The following NICN1 variants were observed in gnomAD, a reference collection of about 807,000 sequenced individuals.
The protein encoded by NICN1 is nicolin-1.
NICN1 carries 18 observed loss-of-function variants against 26.3 expected under a neutral mutation model. The observed-to-expected ratio is 0.68, with a 90% CI of 0.47 to 1.01. The LOEUF (loss-of-function observed/expected upper bound fraction) is 1.01. Among genes scored for constraint, NICN1 ranks in the 50% least tolerant of loss-of-function variants. NICN1 has a pLI of 0.00. For synonymous variants in NICN1, 109 were observed against 111.0 expected, an observed-to-expected ratio of 0.98 and a Z score of 0.11; for missense variants, 239 against 278.3, an observed-to-expected ratio of 0.86 and a Z score of 1.00.
At position 49,422,492 on chromosome 3, in the gene NICN1, C is replaced by T. The variant is rs1559531010; in HGVS notation, c.*2341G>A. 6.3e-7 allele frequency: 1 copy of T among 1,583,976 alleles called. No homozygotes were observed. The highest frequency in any genetic ancestry group is 8.6e-7 in the Non-Finnish European group (1 of 1,157,868). The stretch of plus-strand genomic sequence containing the variant: ...TGCAGACGGCGCACAGAGGCCACCA[C>T]ACTGCCAGGCACGCCGGGAGATGTA... On this transcript the variant is annotated 3_prime_UTR_variant, in exon 6 of 6. Transcript: ENST00000273598.
intron 3 of NICN1, among the ~76,000 whole-genome samples, 163 bp downstream of exon 3, chr3:49,425,720 A>G (rs2049164371): frequency 6.6e-6 from 1 of 152,202 alleles, no homozygotes. Flanking sequence ...ATATGGGGAC[A>G]TGGCCTCACC....
rs1306568075 is a variant in NICN1 at position 49,429,152 on chromosome 3, C to G, written c.88G>C (p.Val30Leu). ...DVRTSQGRPG[V>L]LVIDVTFPSV... ...GGGAAGGTGACATCGATGACCAGCACGCCAGGCCGGCCTTGGGAGGTCCGC... is the reference window on the plus strand; with the variant it reads ...GGGAAGGTGACATCGATGACCAGCAGGCCAGGCCGGCCTTGGGAGGTCCGC... Residue 30 changes from valine to leucine, a missense_variant, in exon 1 of 6, where the codon GTG becomes CTG. Val to Leu is a conservative substitution (Grantham distance 32). Coordinates refer to ENST00000273598, the MANE Select transcript of NICN1 (RefSeq NM_032316.3). The G allele has an allele frequency of 6.2e-7, 1 of 1,611,148 alleles. No individual in the cohort carries two copies. Among genetic ancestry groups the G allele is most frequent in the Non-Finnish European group, 8.5e-7 (1 of 1,178,784 alleles).
Position 49,426,015 on chromosome 3 carries a change from G to A in NICN1, c.310-19C>T, listed in dbSNP as rs149222648. The A allele has an allele frequency of 1.1e-3, 1,671 of 1,490,034 alleles. 15 individuals are homozygous for A. The African/African-American group carries it at 0.016, about 15-fold the overall frequency. 92.3% of individuals were successfully genotyped at this position (1,490,034 alleles called of 1,614,324 possible). ...ACAGCATCTGACACACACACACAAG[G>A]ACCCAGCAAGGATCCAGCTCACTGC... On this transcript the variant is annotated intron_variant, in intron 2 of 5. Coordinates refer to ENST00000273598, the MANE Select transcript of NICN1 (RefSeq NM_032316.3).
Position 49,426,380 on chromosome 3 carries a change from G to A in NICN1, c.181C>T (p.Arg61Cys), listed in dbSNP as rs748614806. The A allele has an allele frequency of 1.1e-5, 17 of 1,614,032 alleles. No homozygotes were observed. Among genetic ancestry groups the A allele is most frequent in the African/African-American group, 4.0e-5 (3 of 75,008 alleles). ...TGTGCTGAGGTGTACTGACGGACAC[G>A]GATGCTCAAAAAAGCTGTGTAGTAA... ...KNYYTAFLSIRVRQYTSAHTP... is the reference protein window; with the variant it reads ...KNYYTAFLSICVRQYTSAHTP... Residue 61 changes from arginine to cysteine, a missense_variant, in exon 2 of 6, where the codon CGT becomes TGT. Coordinates refer to ENST00000273598, the MANE Select transcript of NICN1 (RefSeq NM_032316.3).
chr3:49,426,540 T>G (rs1372204492), intron 1 of NICN1, 112 bp from the exon 2 acceptor site: 1 of 838,298 alleles, frequency 1.2e-6, no homozygotes, highest in African/African-American at 1.7e-5. Context: ...TTTTTTTTTT[T>G]TTTTTGAGAG....
intron 1 of NICN1, among the ~76,000 whole-genome samples, chr3:49,426,690 G>C (rs937189523): frequency 1.3e-5 from 2 of 152,088 alleles, no homozygotes; most frequent in African/African-American, 4.8e-5. Context: ...ACCACGCCCA[G>C]CTAATTGTTT....
rs759853191 is a variant in NICN1, at chr3:49,422,429, C to T, written c.*2404G>A. On this transcript the variant is annotated 3_prime_UTR_variant, in exon 6 of 6. Transcript: ENST00000273598. ...TGCAGGCGAAAGCCCAGACGGGCCA[C>T]CACACTTACAGCCCTCTGCATCGTC... 5 of 1,613,584 alleles carry T rather than the reference C, an allele frequency of 3.1e-6. No individual in the cohort carries two copies. Among genetic ancestry groups the T allele is most frequent in the Admixed American group, 3.3e-5 (2 of 60,008 alleles).
chr3:49,425,470 G>A, intron 3 of NICN1, 32 bp from the exon 4 acceptor site: 2 of 1,551,862 alleles, frequency 1.3e-6, no homozygotes, highest in Non-Finnish European at 1.8e-6. Flanking sequence ...CCCTGAGTGA[G>A]ACAAAGTGGA....
At chr3:49,426,530 T>TTCTCCCCACCTTTTC in intron 1 of NICN1, 102 bp from the exon 2 acceptor site, 1 of 180,648 alleles carries the variant, frequency 5.5e-6, no homozygotes, top group Non-Finnish European at 1.1e-5. Flanking sequence ...CCACCTTTTC[T>TTCTCCCCACCTTTTC]TTTTTTTTTT....
Position 49,422,869 on chromosome 3 carries a change from A to G in NICN1, c.*1964T>C. ...TGGGCCAGCCTGGCAGGTAGGCAGC[A>G]CCACAGTAGTCTGTCCTCATGTGGA... On this transcript the variant is annotated 3_prime_UTR_variant, in exon 6 of 6. Coordinates refer to ENST00000273598, the MANE Select transcript of NICN1 (RefSeq NM_032316.3). 1 of 355,260 alleles carries G rather than the reference A, an allele frequency of 2.8e-6. No homozygotes were observed. Among genetic ancestry groups the G allele is most frequent in the Non-Finnish European group, 5.5e-6 (1 of 180,978 alleles). The allele number at this position is 355,260 out of a possible 1,614,324, so 22.0% of individuals were successfully genotyped here. A position where few individuals can be genotyped will look rare whatever the true frequency, so the allele number is the denominator to read the frequency against.
chr3:49,426,510 T>C (rs2049171385), intron 1 of NICN1, 82 bp from the exon 2 acceptor site: 3 of 1,001,010 alleles, frequency 3.0e-6, no homozygotes, highest in Non-Finnish European at 4.5e-6. Flanking sequence ...GTGCCACCTC[T>C]TCCTTCTCCC....
chr3:49,429,135 G>A lies in NICN1; in HGVS notation c.105C>T (p.Val35=), dbSNP rs772909297. ...CGAAGGGAGCGACGCTGGGGAAGGT[G>A]ACATCGATGACCAGCACGCCAGGCC... The part of the protein sequence containing the change: ...QGRPGVLVID[V]TFPSVAPFEL... Residue 35 remains valine (V), a synonymous_variant, in exon 1 of 6, where the codon GTC becomes GTT. Transcript: ENST00000273598. 6 of 1,610,448 alleles carry A rather than the reference G, an allele frequency of 3.7e-6. No individual in the cohort carries two copies. Among genetic ancestry groups the A allele is most frequent in the Middle Eastern group, 1.7e-4 (1 of 6,048 alleles).
Position 49,422,370 on chromosome 3 carries a change from AC to A in NICN1, c.*2462del, listed in dbSNP as rs748956297. The A allele has an allele frequency of 3.7e-6, 6 of 1,613,620 alleles. No homozygotes were observed. The stretch of plus-strand genomic sequence containing the variant: ...GCACCCTCTATCCCACCTGTGCGCA[AC>A]TAAGTGGACGACACAAGGCCGGGGG... On this transcript the variant is annotated 3_prime_UTR_variant, in exon 6 of 6. Coordinates refer to ENST00000273598, the MANE Select transcript of NICN1 (RefSeq NM_032316.3).
chr3:49,428,264 G>A (rs1452287297), intron 1 of NICN1, among the ~76,000 whole-genome samples: 2 of 151,904 alleles, frequency 1.3e-5, no homozygotes, highest in Non-Finnish European at 2.9e-5. Context: ...AGACACAGAG[G>A]GCTCTCAATG....
intron 1 of NICN1, among the ~76,000 whole-genome samples, chr3:49,427,644 G>GGAAAA (rs1559532915): frequency 1.9e-5 from 2 of 102,822 alleles, no homozygotes; most frequent in Non-Finnish European, 1.9e-5. Flanking sequence ...CTACCTCTCA[G>GGAAAA]AAAAAAAAAA....
At position 49,424,754 on chromosome 3, in the gene NICN1, A is replaced by C; in HGVS notation, c.*79T>G. 8.7e-7 allele frequency: 1 copy of C among 1,150,030 alleles called. No individual in the cohort carries two copies. Among genetic ancestry groups the C allele is most frequent in the Non-Finnish European group, 1.3e-6 (1 of 757,184 alleles). The allele number at this position is 1,150,030 out of a possible 1,614,324, so 71.2% of individuals were successfully genotyped here. On this transcript the variant is annotated 3_prime_UTR_variant, in exon 6 of 6. Coordinates refer to ENST00000273598, the MANE Select transcript of NICN1 (RefSeq NM_032316.3). ...CAGGCAACACTTGGAATGCACAGGA[A>C]ATACACTTCAGCCTCTGGTGGCCCA...
Position 49,425,916 on chromosome 3 carries a change from C to A in NICN1, c.390G>T (p.Val130=). 1 of 1,607,950 alleles carries A rather than the reference C, an allele frequency of 6.2e-7. No individual in the cohort carries two copies. Among genetic ancestry groups the A allele is most frequent in the African/African-American group, 1.3e-5 (1 of 74,932 alleles). ...QPSPLWLSFT[V]EELQIYQQGP... is the part of the protein sequence containing the mutation. The stretch of plus-strand genomic sequence containing the variant: ...CCTGCTGATAGATCTGCAGCTCCTC[C>A]ACTGTGAAAGACAGCCACAGTGGTG... Residue 130 remains valine, a synonymous_variant, in exon 3 of 6, where the codon GTG becomes GTT. Coordinates refer to ENST00000273598, the MANE Select transcript of NICN1 (RefSeq NM_032316.3).
intron 3 of NICN1, 93 bp downstream of exon 3, chr3:49,425,790 A>G (rs1033998615): frequency 7.6e-6 from 5 of 659,356 alleles, no homozygotes; most frequent in Non-Finnish European, 8.0e-6. Flanking sequence ...CCCATTCACA[A>G]TCTTCACCCA....
chr3:49,422,537 C>T lies in NICN1; in HGVS notation c.*2296G>A. On this transcript the variant is annotated 3_prime_UTR_variant, in exon 6 of 6. Transcript: ENST00000273598. ...GATGTAGTCCAGGCCTCTGCTCGGA[C>T]AGGTCTCTCTCCGGAGCAAAGGATC... The T allele has an allele frequency of 7.2e-7, 1 of 1,392,540 alleles. No individual in the cohort carries two copies. Among genetic ancestry groups the T allele is most frequent in the Non-Finnish European group, 1.0e-6 (1 of 998,040 alleles). The allele number at this position is 1,392,540 out of a possible 1,614,324, so 86.3% of individuals were successfully genotyped here. A position where few individuals can be genotyped will look rare whatever the true frequency, so the allele number is the denominator to read the frequency against.
Sources: allele counts gnomAD v4.1 joint callset (sites outside exome capture counted in the v4.1 genomes callset), GRCh38; gene constraint gnomAD v4.1.1; transcripts MANE v1.5; gene names NCBI Gene and HGNC (gene_info 2026-07-23, HGNC 2026-07-21).